Variants in RBFOX1 observed in about 807,000 individuals in gnomAD.
The protein encoded by RBFOX1 is RNA binding protein fox-1 homolog 1.
In RBFOX1, 8 loss-of-function variants were observed where a neutral mutation model predicts 57.7. The observed-to-expected ratio is 0.14, with a 90% CI of 0.08 to 0.25. The LOEUF is 0.25. RBFOX1 is among the 10% of genes least tolerant of loss of function. The pLI, the probability that RBFOX1 is intolerant of heterozygous loss-of-function variation, is 1.00. For synonymous variants in RBFOX1, 326 were observed against 222.4 expected (o/e 1.47, Z -4.15); for missense variants, 611 against 548.5 (o/e 1.11, Z -1.14).
At chr16:6,701,036 G>T (rs768169079) in intron 3 of RBFOX1, among the ~76,000 whole-genome samples, 4 of 99,706 alleles carry the variant, frequency 4.0e-5, no homozygotes, top group Non-Finnish European at 7.5e-5. Flanking sequence ...GTTGGGCAGA[G>T]GGGGGGGTGA....
intron 4 of RBFOX1, among the ~76,000 whole-genome samples, chr16:7,462,571 A>T (rs959614628): frequency 6.6e-6 from 1 of 152,208 alleles, no homozygotes; most frequent in Non-Finnish European, 1.5e-5. Flanking sequence ...CTTCGGCATG[A>T]CTCAACTGGG....
chr16:5,303,028 C>G (rs889073872), intron 1 of RBFOX1, among the ~76,000 whole-genome samples: 2 of 152,152 alleles, frequency 1.3e-5, no homozygotes, highest in African/African-American at 4.8e-5. Flanking sequence ...TTACCACCTT[C>G]TTTTGGGTTA....
At chr16:7,666,072 T>C (rs545207051) in intron 13 of RBFOX1, among the ~76,000 whole-genome samples, 1 of 152,326 alleles carries the variant, frequency 6.6e-6, no homozygotes, top group African/African-American at 2.4e-5. Flanking sequence ...AATTTTCTTC[T>C]TTTTTGTGGA....
At chr16:7,455,892 T>C (rs2150356890) in intron 4 of RBFOX1, among the ~76,000 whole-genome samples, 1 of 151,992 alleles carries the variant, frequency 6.6e-6, no homozygotes, top group African/African-American at 2.4e-5. Context: ...ATGTCTAAGA[T>C]TCATTCTCTG....
Position 7,694,938 on chromosome 16 carries a change from G to C in RBFOX1, c.996-14118G>C, listed in dbSNP as rs770050861. 5.3e-5 allele frequency among the ~76,000 whole-genome samples: 8 copies of C among 152,208 alleles called. 1 individual carries two copies. The highest frequency in any genetic ancestry group is 6.8e-3 in the Middle Eastern group (2 of 294). ...GTTCCAGTATGTTAGGTTATATTTG[G>C]ACATCTTAGATCAAACATGAAAAAG... On this transcript the variant is annotated intron_variant, in intron 14 of 15. Transcript: ENST00000550418.
At chr16:6,666,845 A>G (rs776367730) in intron 3 of RBFOX1, among the ~76,000 whole-genome samples, 12 of 151,944 alleles carry the variant, frequency 7.9e-5, no homozygotes, top group African/African-American at 1.7e-4. Flanking sequence ...TTTCCTCCCA[A>G]TTACTCAGCC....
intron 1 of RBFOX1, among the ~76,000 whole-genome samples, chr16:6,212,317 C>T (rs755965935): frequency 5.3e-5 from 8 of 152,072 alleles, no homozygotes; most frequent in South Asian, 2.1e-4. Context: ...GTATAGGTAA[C>T]ATACTATATA....
chr16:6,334,532 A>G (rs1453933552), intron 2 of RBFOX1, among the ~76,000 whole-genome samples: 1 of 150,320 alleles, frequency 6.7e-6, no homozygotes, highest in Non-Finnish European at 1.5e-5. Context: ...AAATCAAAGA[A>G]ATATGCTAGA....
At chr16:7,563,227 G>A (rs370931132) in intron 5 of RBFOX1, among the ~76,000 whole-genome samples, 1 of 152,144 alleles carries the variant, frequency 6.6e-6, no homozygotes, top group East Asian at 1.9e-4. Context: ...CACTCTTCTC[G>A]ATGCTGGTTA....
intron 1 of RBFOX1, chr16:5,365,970 A>G (rs4786026): frequency 0.55 from 269,299 of 493,578 alleles, 74,145 homozygotes; most frequent in Non-Finnish European, 0.56. Flanking sequence ...TGAATCGTAC[A>G]TTGTGGAAGC....
chr16:7,079,009 T>C (rs1476387694), intron 4 of RBFOX1, among the ~76,000 whole-genome samples: 3 of 151,702 alleles, frequency 2.0e-5, no homozygotes, highest in African/African-American at 7.3e-5. Flanking sequence ...TGTGAGGCAC[T>C]GGGAGTTAGG....
At chr16:6,809,302 G>T (rs1018599984) in intron 3 of RBFOX1, among the ~76,000 whole-genome samples, 1 of 152,194 alleles carries the variant, frequency 6.6e-6, no homozygotes, top group Non-Finnish European at 1.5e-5. Flanking sequence ...TAATTTGGCT[G>T]AAGTTTTTCT....
chr16:6,483,156 A>G lies in RBFOX1; in HGVS notation c.-64+166099A>G, dbSNP rs182323602. On this transcript the variant is annotated intron_variant, in intron 2 of 15. Coordinates refer to ENST00000550418, the MANE Select transcript of RBFOX1 (RefSeq NM_018723.4). ...CCCAGCTGCAAGAGTTTGCAAAAAC[A>G]TTGGGCGTCTCATTTGGCGAGCGTT... 6,266 of 1,084,522 alleles carry G rather than the reference A, an allele frequency of 5.8e-3. 28 individuals carry two copies. The highest frequency in any genetic ancestry group is 6.2e-3 in the Non-Finnish European group (5,509 of 895,488). The allele number at this position is 1,084,522 out of a possible 1,614,324, so 67.2% of individuals were successfully genotyped here. A position where few individuals can be genotyped will look rare whatever the true frequency, so the allele number is the denominator to read the frequency against.
chr16:6,471,715 T>C (rs996125507), intron 2 of RBFOX1, among the ~76,000 whole-genome samples: 1 of 152,118 alleles, frequency 6.6e-6, no homozygotes, highest in African/African-American at 2.4e-5. Context: ...AGAGGTTTAT[T>C]CATCTCAGCA....
chr16:7,252,879 C>G (rs971171282), intron 4 of RBFOX1, among the ~76,000 whole-genome samples: 1 of 152,020 alleles, frequency 6.6e-6, no homozygotes, highest in Non-Finnish European at 1.5e-5. Flanking sequence ...ATATGACCTA[C>G]CCATATTTGG....
intron 1 of RBFOX1, among the ~76,000 whole-genome samples, chr16:6,165,453 A>T (rs1364750173): frequency 6.6e-6 from 1 of 152,174 alleles, no homozygotes; most frequent in Non-Finnish European, 1.5e-5. Context: ...AGCACCTAGG[A>T]AGGAGCTATT....
intron 2 of RBFOX1, among the ~76,000 whole-genome samples, chr16:6,320,408 TGA>T (rs2081624276): frequency 6.6e-6 from 1 of 152,094 alleles, no homozygotes; most frequent in African/African-American, 2.4e-5. Context: ...GTTTGGGTGA[TGA>T]GTGTGCCAAA....
rs191321176 is a variant in RBFOX1 at position 7,170,732 on chromosome 16, T to C, written c.27+118634T>C. On this transcript the variant is annotated intron_variant, in intron 4 of 15. Coordinates refer to ENST00000550418, the MANE Select transcript of RBFOX1 (RefSeq NM_018723.4). Reference sequence around the variant, plus strand: ...ATCCTCACATACAGTGAAGTTTCCATACACCTTGGTTGAATGAATGTCTTC... The same window carrying C: ...ATCCTCACATACAGTGAAGTTTCCACACACCTTGGTTGAATGAATGTCTTC... 4.2e-3 allele frequency among the ~76,000 whole-genome samples: 632 copies of C among 151,934 alleles called. 10 individuals carry two copies. Among genetic ancestry groups the C allele is most frequent in the Non-Finnish European group, 3.4e-3 (231 of 67,972 alleles).
chr16:7,105,882 G>C (rs2151462336), intron 4 of RBFOX1, among the ~76,000 whole-genome samples: 1 of 152,146 alleles, frequency 6.6e-6, no homozygotes, highest in African/African-American at 2.4e-5. Flanking sequence ...GAATGGAGGA[G>C]GTATTGTTTC....
Sources: gnomAD v4.1 joint callset for allele counts (sites outside exome capture counted in the v4.1 genomes callset) on GRCh38, gnomAD v4.1.1 for gene constraint, MANE v1.5 for transcripts, NCBI Gene and HGNC (gene_info 2026-07-23, HGNC 2026-07-21) for gene names.